The following PRKAA2 variants were observed in gnomAD, a reference collection of about 807,000 sequenced individuals.
PRKAA2 encodes the protein protein kinase AMP-activated catalytic subunit alpha 2.
In PRKAA2, 40 loss-of-function variants were observed where a neutral mutation model predicts 56.3. The observed-to-expected ratio is 0.71, with a 90% CI of 0.55 to 0.92. The LOEUF (loss-of-function observed/expected upper bound fraction) is 0.92, where lower values mean the gene tolerates loss of function less well. PRKAA2 is among the 40% of genes least tolerant of loss of function. The probability of loss-of-function intolerance (pLI) is 0.00; values close to 1 mark genes in which losing one functional copy is unlikely to be tolerated. For missense variants in PRKAA2, 542 were observed against 686.9 expected (o/e 0.79, Z 2.36); for synonymous variants, 214 against 234.2 (o/e 0.91, Z 0.79).
At chr1:56,681,300 G>A (rs1054077075) in intron 2 of PRKAA2, among the ~76,000 whole-genome samples, 12 of 152,266 alleles carry the variant, frequency 7.9e-5, no homozygotes, top group African/African-American at 2.6e-4. Flanking sequence ...CTCCCATTCT[G>A]TAGGTTGCCT....
intron 1 of PRKAA2, among the ~76,000 whole-genome samples, chr1:56,656,544 T>C (rs1329948464): frequency 2.6e-5 from 4 of 152,220 alleles, no homozygotes; most frequent in Non-Finnish European, 2.9e-5. Flanking sequence ...ATAAAACTTA[T>C]AGGGAAACAG....
chr1:56,651,942 C>T lies in PRKAA2; in HGVS notation c.94+6461C>T, dbSNP rs564146484. Among the ~76,000 whole-genome samples, 1,099 of 150,870 alleles carry T rather than the reference C, an allele frequency of 7.3e-3. 6 individuals carry two copies. The highest frequency in any genetic ancestry group is 9.6e-3 in the Non-Finnish European group (649 of 67,778). On this transcript the variant is annotated intron_variant, in intron 1 of 8. Coordinates refer to ENST00000371244, the MANE Select transcript of PRKAA2 (RefSeq NM_006252.4). Reference sequence around the variant, plus strand: ...CTGCAAGCTCCGCCTCCTGGGTTCACGCCATTCTCTTGCCTCAGCCTCCCC... The same window carrying T: ...CTGCAAGCTCCGCCTCCTGGGTTCATGCCATTCTCTTGCCTCAGCCTCCCC...
intron 2 of PRKAA2, among the ~76,000 whole-genome samples, chr1:56,678,615 T>A (rs115890455): frequency 3.7e-4 from 56 of 152,178 alleles, no homozygotes; most frequent in Non-Finnish European, 2.9e-4. Context: ...TTTTTTTCTT[T>A]CCTCCATAAT....
intron 4 of PRKAA2, among the ~76,000 whole-genome samples, 154 bp downstream of exon 4, chr1:56,692,656 A>G (rs907861448): frequency 2.6e-5 from 4 of 152,072 alleles, no homozygotes; most frequent in Non-Finnish European, 4.4e-5. Flanking sequence ...TTTTCATTTA[A>G]TTAAATTTTC....
intron 1 of PRKAA2, among the ~76,000 whole-genome samples, chr1:56,665,879 T>C (rs1440477345): frequency 6.6e-6 from 1 of 152,240 alleles, no homozygotes; most frequent in Non-Finnish European, 1.5e-5. Context: ...ATACCTTCTT[T>C]TGTAATGCCC....
intron 2 of PRKAA2, among the ~76,000 whole-genome samples, chr1:56,680,993 A>G (rs1014199737): frequency 2.0e-5 from 3 of 152,040 alleles, no homozygotes; most frequent in East Asian, 1.9e-4. Context: ...AAGTGTTCCT[A>G]TTTCTCCACA....
chr1:56,681,099 A>T (rs1286446773), intron 2 of PRKAA2, among the ~76,000 whole-genome samples: 5 of 152,180 alleles, frequency 3.3e-5, no homozygotes, highest in African/African-American at 1.2e-4. Context: ...TGCATTTATC[A>T]GATGGCCAGT....
chr1:56,680,564 T>C (rs11206899), intron 2 of PRKAA2, among the ~76,000 whole-genome samples: 81,934 of 151,786 alleles, frequency 0.54, 22,666 homozygotes, highest in African/African-American at 0.66. Flanking sequence ...TGTGTCCAAG[T>C]GTTCTCATTG....
rs553902911 is a variant in PRKAA2, at chr1:56,674,354, AT to A, written c.95-19del. 4.4e-5 allele frequency: 67 copies of A among 1,514,890 alleles called. 1 individual carries two copies. The highest frequency in any genetic ancestry group is 4.1e-4 in the African/African-American group (29 of 70,114). The allele number at this position is 1,514,890 out of a possible 1,614,324, so 93.8% of individuals were successfully genotyped here. A position where few individuals can be genotyped will look rare whatever the true frequency, so the allele number is the denominator to read the frequency against. ...AATGATTATGTTGATATGATAGCAC[AT>A]TTTTTTTCCTTTTTCTTTTCTTTAG... On this transcript the variant is annotated intron_variant, in intron 1 of 8. Transcript: ENST00000371244.
intron 1 of PRKAA2, among the ~76,000 whole-genome samples, chr1:56,658,968 ATT>A (rs758544267): frequency 7.4e-5 from 10 of 135,994 alleles, no homozygotes; most frequent in Admixed American, 1.5e-4. Flanking sequence ...CTAATTTTTA[ATT>A]TTTTTTTTTT....
chr1:56,700,591 C>A (rs931920834), intron 6 of PRKAA2, among the ~76,000 whole-genome samples: 4 of 152,166 alleles, frequency 2.6e-5, no homozygotes, highest in Non-Finnish European at 2.9e-5. Flanking sequence ...GCTTTCACTG[C>A]TGCTTCAGGC....
intron 1 of PRKAA2, among the ~76,000 whole-genome samples, chr1:56,673,694 C>T (rs765518772): frequency 3.5e-4 from 53 of 152,164 alleles, no homozygotes; most frequent in Admixed American, 3.3e-3. Flanking sequence ...AAGCACTGTG[C>T]GCATATACTT....
intron 1 of PRKAA2, among the ~76,000 whole-genome samples, chr1:56,671,994 T>C (rs1644080421): frequency 6.6e-6 from 1 of 152,190 alleles, no homozygotes; most frequent in African/African-American, 2.4e-5. Context: ...CCAAGAAATA[T>C]TTAGGAGATT....
At chr1:56,671,734 C>G (rs1644078460) in intron 1 of PRKAA2, among the ~76,000 whole-genome samples, 1 of 152,182 alleles carries the variant, frequency 6.6e-6, no homozygotes, top group South Asian at 2.1e-4. Flanking sequence ...TATGCTGGCT[C>G]TGAAGTCAGA....
chr1:56,689,489 G>T (rs1391922500), intron 2 of PRKAA2, among the ~76,000 whole-genome samples: 1 of 152,186 alleles, frequency 6.6e-6, no homozygotes, highest in African/African-American at 2.4e-5. Flanking sequence ...AGGCCAAGGC[G>T]GGCAGATCAC....
chr1:56,658,342 G>A (rs1367484158), intron 1 of PRKAA2, among the ~76,000 whole-genome samples: 1 of 152,080 alleles, frequency 6.6e-6, no homozygotes, highest in African/African-American at 2.4e-5. Context: ...AAAGGAGGAC[G>A]AGTAAGAAGG....
chr1:56,649,535 TAGAA>T (rs1646670172), intron 1 of PRKAA2, among the ~76,000 whole-genome samples: 1 of 151,950 alleles, frequency 6.6e-6, no homozygotes, highest in East Asian at 1.9e-4. Context: ...GATTGATTGA[TAGAA>T]AGATAGATAG....
chr1:56,648,709 C>T (rs1646663661), intron 1 of PRKAA2, among the ~76,000 whole-genome samples: 1 of 152,162 alleles, frequency 6.6e-6, no homozygotes, highest in African/African-American at 2.4e-5. Flanking sequence ...GTATCTTTGC[C>T]AACATTTGTT....
intron 1 of PRKAA2, among the ~76,000 whole-genome samples, chr1:56,655,260 T>TTATATACATATATATATATA (rs368198472): frequency 2.7e-4 from 19 of 71,672 alleles, no homozygotes; most frequent in African/African-American, 1.0e-3. Flanking sequence ...ATGTATGTAT[T>TTATATACATATATATATATA]TATATATCTA....
Sources: gnomAD v4.1 joint callset for allele counts (sites outside exome capture counted in the v4.1 genomes callset) on GRCh38, gnomAD v4.1.1 for gene constraint, MANE v1.5 for transcripts, NCBI Gene and HGNC (gene_info 2026-07-23, HGNC 2026-07-21) for gene names.